Variants in IGLON5 observed in about 807,000 individuals in gnomAD.
IGLON5 encodes Ig-like domain-containing protein ENSP00000270642.
In IGLON5, 16 loss-of-function variants were observed where a neutral mutation model predicts 38.2. The ratio of observed to expected loss-of-function variants is 0.42; its 90% confidence interval spans 0.28 to 0.64. IGLON5 has a LOEUF of 0.64. Ranked by LOEUF, IGLON5 falls within the 30% of genes least tolerant of loss-of-function variation. The pLI, the probability that IGLON5 is intolerant of heterozygous loss-of-function variation, is 0.23. For missense variants in IGLON5, 366 were observed against 483.4 expected (o/e 0.76, Z 2.28); for synonymous variants, 207 against 216.4 (o/e 0.96, Z 0.38).
At position 51,328,717 on chromosome 19, in the gene IGLON5, G is replaced by A. The variant is rs1985276732; in HGVS notation, c.969G>A (p.Leu323=). Residue 323 remains leucine, a synonymous_variant, in exon 8 of 8, where the codon CTG becomes CTA. Transcript: ENST00000270642. ...CAGCCCCGAGGCCCCCAGGGCTCCTGGCCCTCCTCTCCGCCCTGGGCTGGC... is the reference window on the plus strand; with the variant it reads ...CAGCCCCGAGGCCCCCAGGGCTCCTAGCCCTCCTCTCCGCCCTGGGCTGGC... ...ENSAPRPPGL[L]ALLSALGWLW... is the part of the protein sequence containing the mutation. 2 of 1,600,322 alleles carry A rather than the reference G, an allele frequency of 1.2e-6. No homozygotes were observed. The highest frequency in any genetic ancestry group is 1.3e-5 in the African/African-American group (1 of 74,532).
rs1402944411 is a variant in IGLON5 at position 51,327,569 on chromosome 19, C to T, written c.768-163C>T. 6.6e-6 allele frequency among the ~76,000 whole-genome samples: 1 copy of T among 150,562 alleles called. No homozygotes were observed. The highest frequency in any genetic ancestry group is 2.5e-5 in the African/African-American group (1 of 40,752). ...GGCCAGGGTGCCTGGAGGGGGGCGG[C>T]GGTGGGAGTGACCCGAGGTACATGA... On this transcript the variant is annotated intron_variant, in intron 6 of 7. Coordinates refer to ENST00000270642, the MANE Select transcript of IGLON5 (RefSeq NM_001101372.3). The surrounding 1 kb of genome is among the most constrained non-coding windows in gnomAD (Gnocchi z 7.1).
chr19:51,326,214 G>A (rs553502072), intron 4 of IGLON5, among the ~76,000 whole-genome samples: 125 of 152,204 alleles, frequency 8.2e-4, no homozygotes, highest in African/African-American at 2.9e-3. Context: ...TGGGTCATCT[G>A]AGCCCCATGA....
intron 7 of IGLON5, among the ~76,000 whole-genome samples, chr19:51,328,243 G>A (rs1312254016): frequency 6.6e-6 from 1 of 151,794 alleles, no homozygotes; most frequent in Non-Finnish European, 1.5e-5. Flanking sequence ...GCTCACGCCT[G>A]TAAATCCCAG....
rs550588399 is a variant in IGLON5, at chr19:51,330,511, C to T, written c.*1752C>T. Among the ~76,000 whole-genome samples the T allele has an allele frequency of 4.6e-5, 7 of 152,222 alleles. No individual in the cohort carries two copies. The highest frequency in any genetic ancestry group is 4.1e-4 in the South Asian group (2 of 4,822). Reference sequence around the variant, plus strand: ...ATTACAGAGATGCCCTGTGATTGGCCGAAGACACCCAGCATAGCCCATTTC... The same window carrying T: ...ATTACAGAGATGCCCTGTGATTGGCTGAAGACACCCAGCATAGCCCATTTC... On this transcript the variant is annotated 3_prime_UTR_variant, in exon 8 of 8. Transcript: ENST00000270642.
Position 51,328,856 on chromosome 19 carries a change from A to G in IGLON5, c.*97A>G. ...GAGCCGTGGGTCTCGTGGGGGCAGA[A>G]GAGCTCTCGGCCACCAAGGAAGAAG... On this transcript the variant is annotated 3_prime_UTR_variant, in exon 8 of 8. Coordinates refer to ENST00000270642, the MANE Select transcript of IGLON5 (RefSeq NM_001101372.3). 1.3e-6 allele frequency: 1 copy of G among 762,432 alleles called. No homozygotes were observed. The highest frequency in any genetic ancestry group is 2.0e-5 in the South Asian group (1 of 51,016). 47.2% of individuals were successfully genotyped at this position (762,432 alleles called of 1,614,324 possible). A position where few individuals can be genotyped will look rare whatever the true frequency, so the allele number is the denominator to read the frequency against.
rs749708279 is a variant in IGLON5, at chr19:51,327,688, T to C, written c.768-44T>C. 6.0e-5 allele frequency: 92 copies of C among 1,541,676 alleles called. 1 individual carries two copies. In the East Asian group the frequency reaches 2.1e-3, roughly 35 times the overall value. ...GAGCCTGAGAGTCGGGGGGCTGGCC[T>C]GGCTGGGCGCTGCGGCCCGGCCCCT... On this transcript the variant is annotated intron_variant, in intron 6 of 7. Coordinates refer to ENST00000270642, the MANE Select transcript of IGLON5 (RefSeq NM_001101372.3). This position sits in a 1 kb window ranked among gnomAD's most constrained non-coding sequence, Gnocchi z 7.1.
chr19:51,326,642 G>C, intron 4 of IGLON5, 122 bp from the exon 5 acceptor site: 1 of 114,088 alleles, frequency 8.8e-6, no homozygotes, highest in Non-Finnish European at 1.7e-5. Context: ...CACCCCCATT[G>C]ACCCGGGCAC....
intron 1 of IGLON5, among the ~76,000 whole-genome samples, chr19:51,319,293 C>CTG (rs542048692): frequency 8.6e-4 from 104 of 121,442 alleles, no homozygotes; most frequent in African/African-American, 3.7e-3. Context: ...TTCCAATTCC[C>CTG]TGTGTGTGTG....
intron 1 of IGLON5, among the ~76,000 whole-genome samples, chr19:51,315,025 T>C (rs1194853041): frequency 6.6e-6 from 1 of 152,240 alleles, no homozygotes; most frequent in East Asian, 1.9e-4. Flanking sequence ...AGCCCATTTC[T>C]CTGCAATCGG....
In IGLON5 at chr19:51,327,441, G is replaced by A. The variant is rs1174862102; in HGVS notation, c.767+241G>A. Among the ~76,000 whole-genome samples the A allele has an allele frequency of 1.3e-5, 2 of 152,150 alleles. No homozygotes were observed. The highest frequency in any genetic ancestry group is 2.9e-5 in the Non-Finnish European group (2 of 68,014). ...TTTCAGGGAGCTGGCCAGGGGTCGG[G>A]GGTCAATGCTGAGGATCTGTCGGGC... On this transcript the variant is annotated intron_variant, in intron 6 of 7. Coordinates refer to ENST00000270642, the MANE Select transcript of IGLON5 (RefSeq NM_001101372.3). This position sits in a 1 kb window ranked among gnomAD's most constrained non-coding sequence, Gnocchi z 7.1.
intron 1 of IGLON5, among the ~76,000 whole-genome samples, chr19:51,316,940 C>A (rs866137986): frequency 6.6e-6 from 1 of 150,750 alleles, no homozygotes; most frequent in African/African-American, 2.4e-5. Flanking sequence ...ATGCCCCGCC[C>A]CTCCACCCCC....
At chr19:51,314,201 T>G (rs1260126859) in intron 1 of IGLON5, among the ~76,000 whole-genome samples, 1 of 89,936 alleles carries the variant, frequency 1.1e-5, no homozygotes, top group Non-Finnish European at 2.1e-5. Flanking sequence ...TTTTTTTTTT[T>G]GAGGCAGAGT....
chr19:51,328,472 TG>T (rs1176809368), intron 7 of IGLON5, among the ~76,000 whole-genome samples, 198 bp from the exon 8 acceptor site: 1 of 142,402 alleles, frequency 7.0e-6, no homozygotes, highest in East Asian at 2.0e-4. Flanking sequence ...AGATTGCGCC[TG>T]GGTGACAGAG....
Position 51,327,648 on chromosome 19 carries a change from C to T in IGLON5, c.768-84C>T. 3 of 1,518,980 alleles carry T rather than the reference C, an allele frequency of 2.0e-6. No individual in the cohort carries two copies. The highest frequency in any genetic ancestry group is 2.6e-6 in the Non-Finnish European group (3 of 1,136,976). The allele number at this position is 1,518,980 out of a possible 1,614,324, so 94.1% of individuals were successfully genotyped here. On this transcript the variant is annotated intron_variant, in intron 6 of 7. Coordinates refer to ENST00000270642, the MANE Select transcript of IGLON5 (RefSeq NM_001101372.3). The surrounding 1 kb of genome is among the most constrained non-coding windows in gnomAD (Gnocchi z 7.1). ...TGGGGTAGGGGGCAGAATGCTGGGT[C>T]ACCGGGGAACGGAGGAGCCTGAGAG... is the stretch of plus-strand genomic sequence containing the variant.
chr19:51,312,925 G>A (rs1467936213), intron 1 of IGLON5, among the ~76,000 whole-genome samples: 1 of 152,132 alleles, frequency 6.6e-6, no homozygotes, highest in African/African-American at 2.4e-5. Flanking sequence ...CAGGAGGCTG[G>A]AGGGTGGGCG....
Position 51,325,293 on chromosome 19 carries a change from C to T in IGLON5, c.392-53C>T. On this transcript the variant is annotated intron_variant, in intron 3 of 7. Coordinates refer to ENST00000270642, the MANE Select transcript of IGLON5 (RefSeq NM_001101372.3). This position sits in a 1 kb window ranked among gnomAD's most constrained non-coding sequence, Gnocchi z 5.5. ...ACTCCTGGGTCTGAAGGAGGAAGGG[C>T]TGGGGGCCTGGATTCCTGGGCATCC... is the stretch of plus-strand genomic sequence containing the variant. The T allele has an allele frequency of 6.3e-7, 1 of 1,589,366 alleles. No homozygotes were observed. The highest frequency in any genetic ancestry group is 8.6e-7 in the Non-Finnish European group (1 of 1,168,502).
intron 1 of IGLON5, among the ~76,000 whole-genome samples, chr19:51,312,857 G>A (rs1984801434): frequency 1.3e-5 from 2 of 152,288 alleles, no homozygotes; most frequent in East Asian, 3.9e-4. Flanking sequence ...GCAGGCAGGG[G>A]GTGGTCAAGG....
At chr19:51,320,203 G>A (rs1985019185) in intron 1 of IGLON5, among the ~76,000 whole-genome samples, 1 of 152,148 alleles carries the variant, frequency 6.6e-6, no homozygotes, top group African/African-American at 2.4e-5. Context: ...GGCATGAGGG[G>A]GCCCAGGGTG....
chr19:51,315,688 C>CTTTT lies in IGLON5; in HGVS notation c.79+3784_79+3787dup, dbSNP rs756194855. 2.4e-3 allele frequency among the ~76,000 whole-genome samples: 196 copies of CTTTT among 82,576 alleles called. 8 individuals carry two copies. Among genetic ancestry groups the CTTTT allele is most frequent in the African/African-American group, 7.4e-3 (163 of 22,118 alleles). The allele number at this position is 82,576 out of a possible 152,430, so 54.2% of individuals were successfully genotyped here. The stretch of plus-strand genomic sequence containing the variant: ...GACCTGAAGGAAGAGGGAAGTCAAC[C>CTTTT]TTTTTTTTTTTTTTTTTTTTTTTTT... On this transcript the variant is annotated intron_variant, in intron 1 of 7. Coordinates refer to ENST00000270642, the MANE Select transcript of IGLON5 (RefSeq NM_001101372.3).
Sources: gnomAD v4.1 joint callset for allele counts (sites outside exome capture counted in the v4.1 genomes callset) on GRCh38, gnomAD v4.1.1 for gene constraint, Gnocchi (gnomAD v3.1) non-coding constraint, MANE v1.5 for transcripts, NCBI Gene and HGNC (gene_info 2026-07-23, HGNC 2026-07-21) for gene names.